The following CMIP variants were observed in gnomAD, a reference collection of about 807,000 sequenced individuals.
CMIP encodes the protein c-Maf inducing protein.
In CMIP, 13 loss-of-function variants were observed where a neutral mutation model predicts 97.3. The ratio of observed to expected loss-of-function variants is 0.13; its 90% confidence interval spans 0.09 to 0.21. CMIP has a LOEUF of 0.21. Ranked by LOEUF, CMIP falls within the 10% of genes least tolerant of loss-of-function variation. The pLI is 1.00. For synonymous variants in CMIP, 538 were observed against 436.3 expected, an observed-to-expected ratio of 1.23 and a Z score of -2.91; for missense variants, 847 against 1,024.9, an observed-to-expected ratio of 0.83 and a Z score of 2.37.
intron 1 of CMIP, among the ~76,000 whole-genome samples, chr16:81,456,567 C>T (rs919170312): frequency 6.6e-6 from 1 of 151,850 alleles, no homozygotes; most frequent in Non-Finnish European, 1.5e-5. Flanking sequence ...GTACATTCAT[C>T]TAATCCTCAC....
chr16:81,667,789 A>AGTGT (rs2092621740), intron 7 of CMIP, among the ~76,000 whole-genome samples: 2 of 109,400 alleles, frequency 1.8e-5, no homozygotes, highest in South Asian at 3.2e-4. Flanking sequence ...AGAGAGAGAG[A>AGTGT]GAGAGAGAGA....
intron 17 of CMIP, among the ~76,000 whole-genome samples, chr16:81,703,271 A>G (rs1201963771): frequency 6.6e-6 from 1 of 152,076 alleles, no homozygotes; most frequent in African/African-American, 2.4e-5. Context: ...CCACACACTA[A>G]ATCAGCCTTC....
chr16:81,620,703 T>C (rs1048737661), intron 2 of CMIP, 173 bp from the exon 3 acceptor site: 2 of 648,198 alleles, frequency 3.1e-6, no homozygotes, highest in African/African-American at 1.8e-5. Flanking sequence ...CCCTTCTGTT[T>C]TGGTTTTGCA....
At chr16:81,608,430 A>T (rs1314094499) in intron 2 of CMIP, among the ~76,000 whole-genome samples, 1 of 151,982 alleles carries the variant, frequency 6.6e-6, no homozygotes, top group Non-Finnish European at 1.5e-5. Flanking sequence ...AGGAAAGATG[A>T]CCCACCTGCA....
At position 81,711,577 on chromosome 16, in the gene CMIP, TAAAAATAA is replaced by T. The variant is rs1479156996; in HGVS notation, c.*1788_*1795del. On this transcript the variant is annotated 3_prime_UTR_variant, in exon 21 of 21. Coordinates refer to ENST00000537098, the MANE Select transcript of CMIP (RefSeq NM_198390.3). ...CGGGAAGAAGCAGAAGCAAAAAAAA[TAAAAATAA>T]AAAAATAAATAAAAATAAAAAAAAT... 10 of 87,614 alleles carry T rather than the reference TAAAAATAA, an allele frequency of 1.1e-4. No individual in the cohort carries two copies. Among genetic ancestry groups the T allele is most frequent in the African/African-American group, 4.6e-4 (10 of 21,900 alleles). The allele number at this position is 87,614 out of a possible 1,614,324, so 5.4% of individuals were successfully genotyped here.
chr16:81,701,251 G>T (rs1162022467), intron 15 of CMIP, among the ~76,000 whole-genome samples: 2 of 152,218 alleles, frequency 1.3e-5, no homozygotes, highest in African/African-American at 2.4e-5. Context: ...TGGGCCCAGG[G>T]CTCTGAGCCA....
chr16:81,553,660 C>T (rs978222944), intron 1 of CMIP, among the ~76,000 whole-genome samples: 5 of 152,226 alleles, frequency 3.3e-5, no homozygotes, highest in African/African-American at 4.8e-5. Context: ...TGGGCGTGCT[C>T]CGCCAGCTTC....
At chr16:81,615,025 ATG>A (rs2091891595) in intron 2 of CMIP, among the ~76,000 whole-genome samples, 1 of 122,480 alleles carries the variant, frequency 8.2e-6, no homozygotes, top group Non-Finnish European at 1.7e-5. Context: ...CTGTGTGTAT[ATG>A]GTGTACGTGC....
At chr16:81,632,272 A>G (rs573696700) in intron 3 of CMIP, among the ~76,000 whole-genome samples, 1 of 152,212 alleles carries the variant, frequency 6.6e-6, no homozygotes, top group Non-Finnish European at 1.5e-5. Context: ...AAGTATAGAA[A>G]GGTATAAAAT....
chr16:81,707,031 A>C lies in CMIP; in HGVS notation c.2215A>C (p.Ser739Arg). The change falls in exon 20 of 21, where the codon AGT becomes CGT. Residue 739 changes from serine (S) to arginine (R), a missense_variant. Ser to Arg is a moderately radical substitution (Grantham distance 110, BLOSUM62 -1). This residue lies in a region of CMIP where 266 missense variants were observed against 384.2 expected (regional missense o/e 0.69). Transcript: ENST00000537098. ...LALSSMKSLC[S>R]LNMNSTKLSA... ...TTGTGCAGCCATGAAGAGTCTCTGC[A>C]GTTTAAACATGAACAGCACCAAGCT... 2 of 1,613,764 alleles carry C rather than the reference A, an allele frequency of 1.2e-6. No homozygotes were observed. Among genetic ancestry groups the C allele is most frequent in the Non-Finnish European group, 1.7e-6 (2 of 1,179,740 alleles).
At chr16:81,639,207 C>T (rs2092274243) in intron 3 of CMIP, among the ~76,000 whole-genome samples, 1 of 152,194 alleles carries the variant, frequency 6.6e-6, no homozygotes, top group East Asian at 1.9e-4. Flanking sequence ...GGGGGTCGCA[C>T]CTGTTAACCC....
At chr16:81,663,557 C>T (rs1366659169) in intron 6 of CMIP, among the ~76,000 whole-genome samples, 2 of 152,154 alleles carry the variant, frequency 1.3e-5, no homozygotes, top group African/African-American at 4.8e-5. Context: ...TTGGTGGCTC[C>T]AGGACATTAG....
At chr16:81,465,636 C>T (rs1597452538) in intron 1 of CMIP, among the ~76,000 whole-genome samples, 2 of 152,234 alleles carry the variant, frequency 1.3e-5, no homozygotes, top group East Asian at 1.9e-4. Context: ...GAGAAATTCC[C>T]CAGCGAGCTG....
At chr16:81,610,867 C>G (rs2091820272) in intron 2 of CMIP, among the ~76,000 whole-genome samples, 1 of 152,114 alleles carries the variant, frequency 6.6e-6, no homozygotes, top group Non-Finnish European at 1.5e-5. Context: ...TGTCTTGATT[C>G]ACATACAACA....
intron 1 of CMIP, among the ~76,000 whole-genome samples, chr16:81,504,297 G>A (rs2089664844): frequency 6.6e-6 from 1 of 151,916 alleles, no homozygotes; most frequent in Admixed American, 6.5e-5. Flanking sequence ...CTGCACTTCA[G>A]CCTTGGTGAT....
intron 3 of CMIP, among the ~76,000 whole-genome samples, chr16:81,635,373 C>G (rs1042991081): frequency 2.6e-5 from 4 of 152,024 alleles, no homozygotes; most frequent in Admixed American, 2.0e-4. Flanking sequence ...AGGATTTGGT[C>G]GGCTTCATTT....
intron 1 of CMIP, among the ~76,000 whole-genome samples, chr16:81,483,057 T>C (rs1325119090): frequency 6.6e-6 from 1 of 152,216 alleles, no homozygotes; most frequent in South Asian, 2.1e-4. Flanking sequence ...ATATAGAATC[T>C]TGTCTGCTGC....
chr16:81,584,093 C>G (rs1252569767), intron 1 of CMIP, among the ~76,000 whole-genome samples: 1 of 152,112 alleles, frequency 6.6e-6, no homozygotes, highest in Non-Finnish European at 1.5e-5. Context: ...AGCGCCGAAT[C>G]CAAGGGAGAA....
chr16:81,545,818 A>G (rs1351679736), intron 1 of CMIP, among the ~76,000 whole-genome samples: 1 of 152,348 alleles, frequency 6.6e-6, no homozygotes, highest in South Asian at 2.1e-4. Context: ...GTCTTTGCAC[A>G]GGATTTTCCA....
Sources: allele counts gnomAD v4.1 joint callset (sites outside exome capture counted in the v4.1 genomes callset), GRCh38; gene constraint gnomAD v4.1.1; regional missense constraint gnomAD v4.1.1; transcripts MANE v1.5; gene names NCBI Gene and HGNC (gene_info 2026-07-23, HGNC 2026-07-21).